Variants in FAM151B observed in about 807,000 individuals in gnomAD.
FAM151B encodes protein FAM151B.
FAM151B carries 24 observed loss-of-function variants against 31.2 expected under a neutral mutation model. The ratio of observed to expected loss-of-function variants is 0.77; its 90% CI spans 0.56 to 1.08. The LOEUF is 1.08. Among genes scored for constraint, FAM151B ranks in the 50% least tolerant of loss-of-function variants. The pLI, the probability that FAM151B is intolerant of heterozygous loss-of-function variation, is 0.00. For missense variants in FAM151B, 293 were observed against 328.6 expected (o/e 0.89, Z 0.84); for synonymous variants, 105 against 111.4 (o/e 0.94, Z 0.36).
At chr5:80,501,287 TG>T in intron 1 of FAM151B, 2 of 622,088 alleles carry the variant, frequency 3.2e-6, no homozygotes, top group Non-Finnish European at 5.6e-6. Flanking sequence ...CCCAAAGTGC[TG>T]GGATTACAGG....
chr5:80,510,035 CAT>C (rs1235029715), intron 2 of FAM151B, among the ~76,000 whole-genome samples: 1 of 152,074 alleles, frequency 6.6e-6, no homozygotes, highest in East Asian at 1.9e-4. Context: ...GCCAATGCCA[CAT>C]GTTTCAGGTT....
At chr5:80,526,020 A>G (rs138169944) in intron 5 of FAM151B, among the ~76,000 whole-genome samples, 1 of 152,228 alleles carries the variant, frequency 6.6e-6, no homozygotes, top group African/African-American at 2.4e-5. Flanking sequence ...ATTTCTGTAT[A>G]CAGTCATCCC....
intron 1 of FAM151B, chr5:80,498,515 T>C: frequency 1.2e-6 from 1 of 868,640 alleles, no homozygotes; most frequent in Admixed American, 2.0e-5. Context: ...ATGTCTTTTA[T>C]TAACTCATAG....
At chr5:80,517,457 T>C (rs1237884084) in intron 3 of FAM151B, among the ~76,000 whole-genome samples, 1 of 152,226 alleles carries the variant, frequency 6.6e-6, no homozygotes, top group Non-Finnish European at 1.5e-5. Context: ...ACACCTTTTC[T>C]TCCAGAAGAA....
chr5:80,494,464 CTTT>C (rs1561359171), intron 1 of FAM151B, among the ~76,000 whole-genome samples: 1 of 45,326 alleles, frequency 2.2e-5, no homozygotes, highest in Non-Finnish European at 4.5e-5. Flanking sequence ...TCTTTTCTTT[CTTT>C]CTTTCTTTCT....
intron 5 of FAM151B, among the ~76,000 whole-genome samples, chr5:80,529,644 T>A (rs1160371053): frequency 6.6e-6 from 1 of 151,976 alleles, no homozygotes; most frequent in African/African-American, 2.4e-5. Flanking sequence ...CTAGAAGAAA[T>A]GGATAAATTC....
intron 3 of FAM151B, among the ~76,000 whole-genome samples, chr5:80,516,938 T>G (rs561142733): frequency 1.3e-5 from 2 of 152,286 alleles, no homozygotes; most frequent in South Asian, 4.1e-4. Flanking sequence ...AACAATAAGT[T>G]TTAAATTACA....
chr5:80,533,967 C>T (rs999535755), intron 5 of FAM151B, among the ~76,000 whole-genome samples: 4 of 152,100 alleles, frequency 2.6e-5, no homozygotes, highest in African/African-American at 9.6e-5. Context: ...TTATTAGTGG[C>T]TACTGTGAGC....
Position 80,538,525 on chromosome 5 carries a change from C to CTTTCTTTTCTTTCT in FAM151B, c.672-3146_672-3145insTCTTTTCTTTCTTT, listed in dbSNP as rs1181977262. Among the ~76,000 whole-genome samples, 208 of 82,694 alleles carry CTTTCTTTTCTTTCT rather than the reference C, an allele frequency of 2.5e-3. 12 individuals are homozygous for CTTTCTTTTCTTTCT. Among genetic ancestry groups the CTTTCTTTTCTTTCT allele is most frequent in the African/African-American group, 0.014 (162 of 11,232 alleles). 54.3% of individuals were successfully genotyped at this position (82,694 alleles called of 152,430 possible). A position where few individuals can be genotyped will look rare whatever the true frequency, so the allele number is the denominator to read the frequency against. ...TTTCTTTTCTTTCTTTCCTTCCTTC[C>CTTTCTTTTCTTTCT]TTCCTTCCTTCCTTCCTTCCTTCCT... On this transcript the variant is annotated intron_variant, in intron 5 of 5. Transcript: ENST00000282226.
At chr5:80,508,212 A>G (rs1029658316) in intron 2 of FAM151B, among the ~76,000 whole-genome samples, 2 of 152,084 alleles carry the variant, frequency 1.3e-5, no homozygotes, top group Admixed American at 1.3e-4. Flanking sequence ...TTTTGCTACT[A>G]TGATTACTGC....
chr5:80,503,436 G>GCT (rs1478896887), intron 2 of FAM151B, among the ~76,000 whole-genome samples: 1 of 152,042 alleles, frequency 6.6e-6, no homozygotes, highest in Non-Finnish European at 1.5e-5. Context: ...GGGCATGGTG[G>GCT]CATGTACCTG....
chr5:80,508,631 A>G (rs2112618829), intron 2 of FAM151B, among the ~76,000 whole-genome samples: 1 of 152,296 alleles, frequency 6.6e-6, no homozygotes, highest in South Asian at 2.1e-4. Flanking sequence ...GGGAGCCCAC[A>G]GACCTCTTTT....
In FAM151B at chr5:80,538,420, CTT is replaced by C. The variant is rs1443301835; in HGVS notation, c.672-3251_672-3250del. Among the ~76,000 whole-genome samples, 125 of 55,208 alleles carry C rather than the reference CTT, an allele frequency of 2.3e-3. 1 individual carries two copies. Among genetic ancestry groups the C allele is most frequent in the African/African-American group, 0.012 (117 of 10,142 alleles). 36.2% of individuals were successfully genotyped at this position (55,208 alleles called of 152,430 possible). ...TCTTTCTTTCTTTCTTTCTTTCTTTCTTTCTTTCTTTCTTTCTTTCTTTCTTT... is the reference window on the plus strand; with the variant it reads ...TCTTTCTTTCTTTCTTTCTTTCTTTCTCTTTCTTTCTTTCTTTCTTTCTTT... On this transcript the variant is annotated intron_variant, in intron 5 of 5. Coordinates refer to ENST00000282226, the MANE Select transcript of FAM151B (RefSeq NM_205548.3).
At chr5:80,527,614 T>G (rs955244118) in intron 5 of FAM151B, among the ~76,000 whole-genome samples, 1 of 152,278 alleles carries the variant, frequency 6.6e-6, no homozygotes, top group African/African-American at 2.4e-5. Context: ...TAAGTATCTG[T>G]GTATATAAAC....
chr5:80,511,793 T>C (rs1158313859), intron 2 of FAM151B, among the ~76,000 whole-genome samples: 1 of 151,974 alleles, frequency 6.6e-6, no homozygotes, highest in Non-Finnish European at 1.5e-5. Flanking sequence ...TTTTAGTGGA[T>C]ACGGGGTTTC....
At chr5:80,491,911 A>C (rs891159038) in intron 1 of FAM151B, among the ~76,000 whole-genome samples, 1 of 152,230 alleles carries the variant, frequency 6.6e-6, no homozygotes, top group Non-Finnish European at 1.5e-5. Flanking sequence ...AGTGGTCAGC[A>C]AACTTTTTCT....
At chr5:80,541,590 A>G (rs1223762685) in intron 5 of FAM151B, 83 bp from the exon 6 acceptor site, 9 of 1,322,370 alleles carry the variant, frequency 6.8e-6, no homozygotes, top group Non-Finnish European at 9.6e-6. Context: ...TTAGAGATAA[A>G]TGAAAGCATT....
At chr5:80,526,923 A>G (rs1744999203) in intron 5 of FAM151B, among the ~76,000 whole-genome samples, 1 of 152,152 alleles carries the variant, frequency 6.6e-6, no homozygotes. Context: ...CCTACATTGC[A>G]TAGAACTGCT....
In FAM151B at chr5:80,500,507, G is replaced by A. The variant is rs906405619; in HGVS notation, c.26-1285G>A. 3 of 763,918 alleles carry A rather than the reference G, an allele frequency of 3.9e-6. No homozygotes were observed. The African/African-American group carries it at 5.1e-5, about 13-fold the overall frequency. The allele number at this position is 763,918 out of a possible 1,614,324, so 47.3% of individuals were successfully genotyped here. On this transcript the variant is annotated intron_variant, in intron 1 of 5. Coordinates refer to ENST00000282226, the MANE Select transcript of FAM151B (RefSeq NM_205548.3). Reference sequence around the variant, plus strand: ...TGAAAAAGCAAAACACTGTCACAAGGAATATAGGCAGATATACAGAACTGA... The same window carrying A: ...TGAAAAAGCAAAACACTGTCACAAGAAATATAGGCAGATATACAGAACTGA...
Sources: allele counts gnomAD v4.1 joint callset (sites outside exome capture counted in the v4.1 genomes callset), GRCh38; gene constraint gnomAD v4.1.1; transcripts MANE v1.5; gene names NCBI Gene and HGNC (gene_info 2026-07-23, HGNC 2026-07-21).